HORMAD2: variants seen among roughly 807,000 people sequenced by gnomAD.
HORMAD2 encodes the protein HORMA domain-containing protein 2.
In HORMAD2, 45 loss-of-function variants were observed where a neutral mutation model predicts 38.8. That is an observed-to-expected ratio of 1.16 (90% CI 0.91 to 1.49). HORMAD2 has a LOEUF of 1.49. Ranked by LOEUF, HORMAD2 falls within the 40% of genes most tolerant of loss-of-function variation. The pLI, the probability that HORMAD2 is intolerant of heterozygous loss-of-function variation, is 0.00. For synonymous variants in HORMAD2, 126 were observed against 122.8 expected, an observed-to-expected ratio of 1.03 and a Z score of -0.17; for missense variants, 338 against 367.0, an observed-to-expected ratio of 0.92 and a Z score of 0.65.
At chr22:30,182,271 C>A in the HORMAD2 span, among the ~76,000 whole-genome samples, 1 of 152,152 alleles carries the variant, frequency 6.6e-6, no homozygotes, top group African/African-American at 2.4e-5. Flanking sequence ...TGAGTTAATA[C>A]AGGAAAAGCA....
intron 1 of HORMAD2, among the ~76,000 whole-genome samples, chr22:30,091,217 T>C (rs777006000): frequency 1.3e-5 from 2 of 151,966 alleles, no homozygotes; most frequent in African/African-American, 2.4e-5. Context: ...TTCCTTCCTT[T>C]CTTTCTTTTT....
chr22:30,150,374 G>C (rs1300291267), intron 10 of HORMAD2, among the ~76,000 whole-genome samples: 1 of 151,992 alleles, frequency 6.6e-6, no homozygotes, highest in African/African-American at 2.4e-5. Context: ...ATGGCATCCT[G>C]TTCTTGCTCA....
upstream of HORMAD2, among the ~76,000 whole-genome samples, chr22:30,078,858 T>C (rs1281751297): frequency 6.6e-6 from 1 of 152,058 alleles, no homozygotes; most frequent in African/African-American, 2.4e-5. Context: ...TGAGAAGGGC[T>C]GGTGCAGACA....
Position 30,104,418 on chromosome 22 carries a change from A to G in HORMAD2, c.275A>G (p.Asp92Gly). Residue 92 changes from aspartate (D) to glycine (G), a missense_variant, in exon 5 of 11, where the codon GAT (aspartate) becomes GGT (glycine). Transcript: ENST00000336726. ...HIIRWIQGCF[D>G]ALEKRYLRMA... Reference sequence around the variant, plus strand: ...CTTGACAGGATTCAAGGTTGTTTTGATGCTTTGGAAAAGAGATACGTAAGA... The same window carrying G: ...CTTGACAGGATTCAAGGTTGTTTTGGTGCTTTGGAAAAGAGATACGTAAGA... 6.2e-7 allele frequency: 1 copy of G among 1,611,406 alleles called. No individual in the cohort carries two copies. The highest frequency in any genetic ancestry group is 8.5e-7 in the Non-Finnish European group (1 of 1,178,502).
At chr22:30,146,924 T>G (rs1300055798) in intron 10 of HORMAD2, among the ~76,000 whole-genome samples, 1 of 152,172 alleles carries the variant, frequency 6.6e-6, no homozygotes, top group Non-Finnish European at 1.5e-5. Context: ...AAATGAAATT[T>G]CTAAATACCA....
At chr22:30,111,915 CT>C (rs552631276) in intron 6 of HORMAD2, 99 bp downstream of exon 6, 29,245 of 606,340 alleles carry the variant, frequency 0.048, 30 homozygotes, top group South Asian at 0.066. Context: ...TCCTCCCTGA[CT>C]TTTTTTTTTT....
intron 4 of HORMAD2, 124 bp downstream of exon 4, chr22:30,103,624 CTTTCTT>C (rs1920981085): frequency 1.0e-5 from 3 of 295,602 alleles, no homozygotes; most frequent in Non-Finnish European, 1.2e-5. Flanking sequence ...TACTTTCCCT[CTTTCTT>C]TTTCTTTTTC....
At position 30,158,583 on chromosome 22, in the gene HORMAD2, C is replaced by CTCCT. The variant is rs575261621; in HGVS notation, c.820-17468_820-17465dup. 4.9e-4 allele frequency among the ~76,000 whole-genome samples: 40 copies of CTCCT among 81,734 alleles called. 1 individual carries two copies. The highest frequency in any genetic ancestry group is 3.1e-3 in the South Asian group (4 of 1,302). 53.6% of individuals were successfully genotyped at this position (81,734 alleles called of 152,430 possible). On this transcript the variant is annotated intron_variant, in intron 10 of 10. Coordinates refer to ENST00000336726, the MANE Select transcript of HORMAD2 (RefSeq NM_152510.4). ...CCTCCCCTCCCTTCCCCTTCCCCTTCTCCTTCCTTCCTTCCCTCCCTCCCT... is the reference window on the plus strand; with the variant it reads ...CCTCCCCTCCCTTCCCCTTCCCCTTCTCCTTCCTTCCTTCCTTCCCTCCCTCCCT...
chr22:30,129,452 T>C (rs551013236), intron 10 of HORMAD2, among the ~76,000 whole-genome samples: 1 of 152,208 alleles, frequency 6.6e-6, no homozygotes, highest in East Asian at 1.9e-4. Context: ...GAGCTTTACA[T>C]ATATTATCAC....
the HORMAD2 span, among the ~76,000 whole-genome samples, chr22:30,199,705 C>T: frequency 6.6e-6 from 1 of 150,812 alleles, no homozygotes; most frequent in African/African-American, 2.4e-5. Context: ...TTGTTATTTT[C>T]TCTCATTCAT....
intron 10 of HORMAD2, among the ~76,000 whole-genome samples, chr22:30,167,544 G>A (rs1925861165): frequency 6.6e-6 from 1 of 152,138 alleles, no homozygotes; most frequent in African/African-American, 2.4e-5. Context: ...CTCATTACAA[G>A]AACATTGTGT....
chr22:30,136,251 A>G (rs1357007185), intron 10 of HORMAD2, among the ~76,000 whole-genome samples: 1 of 152,194 alleles, frequency 6.6e-6, no homozygotes, highest in East Asian at 1.9e-4. Flanking sequence ...AAAAGACTAC[A>G]TACTATTTGA....
intron 10 of HORMAD2, among the ~76,000 whole-genome samples, chr22:30,139,254 CTATATA>C (rs3067131): frequency 0.019 from 1,886 of 96,728 alleles, 34 homozygotes; most frequent in Middle Eastern, 0.043. Context: ...ATGAACTGTA[CTATATA>C]TATATATATA....
intron 10 of HORMAD2, among the ~76,000 whole-genome samples, chr22:30,129,365 T>TA (rs1923122708): frequency 6.7e-6 from 1 of 149,816 alleles, no homozygotes; most frequent in African/African-American, 2.4e-5. Flanking sequence ...AACACCTACA[T>TA]AATGTAATAA....
At chr22:30,085,543 CA>C (rs1455029040) in intron 1 of HORMAD2, among the ~76,000 whole-genome samples, 1 of 152,156 alleles carries the variant, frequency 6.6e-6, no homozygotes, top group African/African-American at 2.4e-5. Flanking sequence ...CACTTGAGGT[CA>C]GGGGTTCTAG....
chr22:30,100,887 C>T (rs1395855188), intron 3 of HORMAD2, among the ~76,000 whole-genome samples: 2 of 152,104 alleles, frequency 1.3e-5, no homozygotes, highest in African/African-American at 2.4e-5. Context: ...AATGAGATAC[C>T]ATCTCATGCC....
At chr22:30,186,917 G>T in the HORMAD2 span, among the ~76,000 whole-genome samples, 1 of 149,480 alleles carries the variant, frequency 6.7e-6, no homozygotes, top group Non-Finnish European at 1.5e-5. Context: ...GGGGTGGGGG[G>T]GTCATCGTAT....
intron 10 of HORMAD2, among the ~76,000 whole-genome samples, chr22:30,143,187 GTTTA>G (rs199557879): frequency 0.027 from 4,100 of 152,192 alleles, 92 homozygotes; most frequent in Middle Eastern, 0.095. Flanking sequence ...ATAAAATTTA[GTTTA>G]TTTAAGAGAA....
downstream of HORMAD2, among the ~76,000 whole-genome samples, chr22:30,180,137 G>A (rs999414671): frequency 5.9e-5 from 9 of 151,988 alleles, no homozygotes; most frequent in Admixed American, 3.9e-4. Context: ...CAATTTGCCC[G>A]CCTCAGCCTC....
Sources: gnomAD v4.1 joint callset for allele counts (sites outside exome capture counted in the v4.1 genomes callset) on GRCh38, gnomAD v4.1.1 for gene constraint, MANE v1.5 for transcripts, NCBI Gene and HGNC (gene_info 2026-07-23, HGNC 2026-07-21) for gene names.